TERT: variants seen among roughly 807,000 people sequenced by gnomAD.
TERT encodes telomerase reverse transcriptase.
TERT carries 42 observed loss-of-function variants against 104.0 expected under a neutral mutation model. That is an observed-to-expected ratio of 0.40 (90% CI 0.32 to 0.52). TERT has a LOEUF of 0.52. Ranked by LOEUF, TERT falls within the 20% of genes least tolerant of loss-of-function variation. The pLI is 0.43. For missense variants in TERT, 1,101 were observed against 1,610.3 expected, an observed-to-expected ratio of 0.68 and a Z score of 5.41; for synonymous variants, 781 against 725.6, an observed-to-expected ratio of 1.08 and a Z score of -1.23.
chr5:1,258,779 T>C (rs1477738123), intron 12 of TERT, 120 bp from the exon 13 acceptor site: 1 of 908,368 alleles, frequency 1.1e-6, no homozygotes, highest in Non-Finnish European at 1.8e-6. Flanking sequence ...GACAAGAAAC[T>C]ATCCCTCTTC....
rs1010294301 is a variant in TERT, at chr5:1,261,856, G to A, written c.2844-1256C>T. Among the ~76,000 whole-genome samples the A allele has an allele frequency of 2.6e-5, 4 of 152,188 alleles. No homozygotes were observed. Among genetic ancestry groups the A allele is most frequent in the African/African-American group, 7.2e-5 (3 of 41,442 alleles). ...CAATCATGCATGCCCTTTGCCAGCTGGGTGACCAAGGGCGGCTGCTCCCCT... is the reference window on the plus strand; with the variant it reads ...CAATCATGCATGCCCTTTGCCAGCTAGGTGACCAAGGGCGGCTGCTCCCCT... On this transcript the variant is annotated intron_variant, in intron 11 of 15. Transcript: ENST00000310581. This position sits in a 1 kb window ranked among gnomAD's most constrained non-coding sequence, Gnocchi z 7.4.
At position 1,263,837 on chromosome 5, in the gene TERT, G is replaced by A. The variant is rs1014728475; in HGVS notation, c.2843+567C>T. On this transcript the variant is annotated intron_variant, in intron 11 of 15. Coordinates refer to ENST00000310581, the MANE Select transcript of TERT (RefSeq NM_198253.3). This position sits in a 1 kb window ranked among gnomAD's most constrained non-coding sequence, Gnocchi z 5.3. ...CGGGCTCTGGGGAAACAAGACCCCA[G>A]AATTTTGTAGAGACCCCCCCCACAC... 2.0e-5 allele frequency among the ~76,000 whole-genome samples: 3 copies of A among 152,214 alleles called. No homozygotes were observed. Among genetic ancestry groups the A allele is most frequent in the Admixed American group, 6.5e-5 (1 of 15,286 alleles).
chr5:1,290,240 T>C, intron 2 of TERT, among the ~76,000 whole-genome samples: 1 of 63,202 alleles, frequency 1.6e-5, no homozygotes, highest in South Asian at 4.0e-4. Context: ...ACCCTACACG[T>C]GACAGGGACA....
rs369797524 is a variant in TERT, at chr5:1,258,707, T to C, written c.2971-48A>G. ...AGAAACGGTAGAAACCTCTCTGGGA[T>C]TTTAAGTTTTTACTTTTTGCTTTAT... is the stretch of plus-strand genomic sequence containing the variant. On this transcript the variant is annotated intron_variant, in intron 12 of 15. Coordinates refer to ENST00000310581, the MANE Select transcript of TERT (RefSeq NM_198253.3). The C allele has an allele frequency of 2.5e-3, 3,714 of 1,488,194 alleles. 9 individuals carry two copies. Among genetic ancestry groups the C allele is most frequent in the Non-Finnish European group, 2.8e-3 (3,019 of 1,089,830 alleles). The allele number at this position is 1,488,194 out of a possible 1,614,324, so 92.2% of individuals were successfully genotyped here.
chr5:1,253,937 G>A (rs1747526473), intron 15 of TERT, 106 bp from the exon 16 acceptor site: 1 of 1,269,960 alleles, frequency 7.9e-7, no homozygotes, highest in African/African-American at 1.5e-5. Context: ...GCACCTCGTG[G>A]CCCTGGCTGG....
Position 1,293,735 on chromosome 5 carries a change from T to C in TERT, c.1151A>G (p.Gln384Arg), listed in dbSNP as rs1167344136. Reference protein sequence around the residue: ...GTPRRLPRLPQRYWQMRPLFL... With the variant: ...GTPRRLPRLPRRYWQMRPLFL... ...CAGGGGCCGCATTTGCCAGTAGCGC[T>C]GGGGCAGGCGGGGCAACCTGCGGGG... The change falls in exon 2 of 16, where the codon CAG becomes CGG. Residue 384 changes from glutamine (Q) to arginine (R), a missense_variant. Gln to Arg is a conservative substitution (Grantham distance 43). Transcript: ENST00000310581. 1.9e-6 allele frequency: 3 copies of C among 1,568,094 alleles called. No homozygotes were observed. In the East Asian group the frequency reaches 7.0e-5, roughly 36 times the overall value.
chr5:1,259,456 A>G (rs1579549371), intron 12 of TERT, among the ~76,000 whole-genome samples: 5 of 130,994 alleles, frequency 3.8e-5, no homozygotes, highest in African/African-American at 5.9e-5. Flanking sequence ...GAGCGGACGC[A>G]GATGCCCACA....
At chr5:1,277,790 G>T (rs1021821946) in intron 6 of TERT, among the ~76,000 whole-genome samples, 3 of 152,198 alleles carry the variant, frequency 2.0e-5, no homozygotes, top group Non-Finnish European at 4.4e-5. Context: ...AGAAGTCAGA[G>T]AAAGAGGTCC....
Position 1,255,508 on chromosome 5 carries a change from G to A in TERT, c.3033-97C>T. The A allele has an allele frequency of 4.0e-6, 6 of 1,491,102 alleles. No individual in the cohort carries two copies. The South Asian group carries it at 6.9e-5, about 17-fold the overall frequency. 92.4% of individuals were successfully genotyped at this position (1,491,102 alleles called of 1,614,324 possible). ...CCCACCGGTGCCTGTGTGCGTGCAT[G>A]AATGCACATGCATGGGTTTCCTCAT... is the stretch of plus-strand genomic sequence containing the variant. On this transcript the variant is annotated intron_variant, in intron 13 of 15. Transcript: ENST00000310581. This position sits in a 1 kb window ranked among gnomAD's most constrained non-coding sequence, Gnocchi z 6.9.
At chr5:1,291,136 G>A (rs868185247) in intron 2 of TERT, among the ~76,000 whole-genome samples, 874 of 137,884 alleles carry the variant, frequency 6.3e-3, no homozygotes, top group Non-Finnish European at 9.2e-3. Flanking sequence ...AGGGACACCC[G>A]GGGACAGTGC....
Position 1,262,205 on chromosome 5 carries a change from T to A in TERT, c.2844-1605A>T, listed in dbSNP as rs1432074886. 2.6e-5 allele frequency among the ~76,000 whole-genome samples: 4 copies of A among 152,204 alleles called. No homozygotes were observed. The highest frequency in any genetic ancestry group is 1.3e-4 in the Admixed American group (2 of 15,280). ...CTCTTCTACCTAGAATCTGCTCTGG[T>A]ATATGCTGTAAAGACACAACTTATT... is the stretch of plus-strand genomic sequence containing the variant. On this transcript the variant is annotated intron_variant, in intron 11 of 15. Coordinates refer to ENST00000310581, the MANE Select transcript of TERT (RefSeq NM_198253.3). The surrounding 1 kb of genome is among the most constrained non-coding windows in gnomAD (Gnocchi z 5.6).
At chr5:1,291,605 T>C (rs376986907) in intron 2 of TERT, among the ~76,000 whole-genome samples, 317 of 4,392 alleles carry the variant, frequency 0.072, 11 homozygotes, top group South Asian at 0.098. Context: ...CCGGGGACAG[T>C]GCCTCACTCA....
At position 1,279,286 on chromosome 5, in the gene TERT, C is replaced by A; in HGVS notation, c.2130+5G>T. 6.4e-7 allele frequency: 1 copy of A among 1,573,430 alleles called. No individual in the cohort carries two copies. The highest frequency in any genetic ancestry group is 8.6e-7 in the Non-Finnish European group (1 of 1,161,872). On this transcript the variant is annotated splice_donor_5th_base_variant and intron_variant, in intron 5 of 15. Transcript: ENST00000310581. ...GGGCTGCTCACGGGGGTCCCCGGCA[C>A]CCACCTTGACAAAGTACAGCTCAGG...
rs1489625875 is a variant in TERT at position 1,264,399 on chromosome 5, C to T, written c.2843+5G>A. On this transcript the variant is annotated splice_donor_5th_base_variant and intron_variant, in intron 11 of 15. Coordinates refer to ENST00000310581, the MANE Select transcript of TERT (RefSeq NM_198253.3). ...CAGGCTCCACTTCCGGCCAGGTGCG[C>T]TCACCTGGAGTAGTCGCTCTGCACC... 1.2e-6 allele frequency: 2 copies of T among 1,610,874 alleles called. No homozygotes were observed. Among genetic ancestry groups the T allele is most frequent in the African/African-American group, 1.3e-5 (1 of 74,894 alleles).
rs1751149699 is a variant in TERT, at chr5:1,293,675, G to GGGCACTGCGCGTGGTT, written c.1195_1210dup (p.Pro404GlnfsTer140). On this transcript the variant is annotated frameshift_variant, in exon 2 of 16. Transcript: ENST00000310581. LOFTEE classifies it high-confidence loss of function. ...GTGCGTCTTGAGGAGCACCCCGTAG[G>GGGCACTGCGCGTGGTT]GGCACTGCGCGTGGTTCCCAAGCAG... 1.9e-6 allele frequency: 3 copies of GGGCACTGCGCGTGGTT among 1,570,156 alleles called. No individual in the cohort carries two copies. Among genetic ancestry groups the GGGCACTGCGCGTGGTT allele is most frequent in the Non-Finnish European group, 2.6e-6 (3 of 1,158,334 alleles).
At chr5:1,284,131 G>A (rs1225267216) in intron 2 of TERT, among the ~76,000 whole-genome samples, 411 of 113,050 alleles carry the variant, frequency 3.6e-3, no homozygotes, top group South Asian at 5.7e-3. Context: ...CCAGCTCACC[G>A]AGGGCCTGGC....
rs1747472002 is a variant in TERT at position 1,253,445 on chromosome 5, T to C, written c.*283A>G. ...TGGGGAGTGGAAGCCGGGCTCCTGG[T>C]GAGGAAAAGCTGGCCCTGGGGTGGA... On this transcript the variant is annotated 3_prime_UTR_variant, in exon 16 of 16. Coordinates refer to ENST00000310581, the MANE Select transcript of TERT (RefSeq NM_198253.3). 1 of 554,374 alleles carries C rather than the reference T, an allele frequency of 1.8e-6. No individual in the cohort carries two copies. The allele number at this position is 554,374 out of a possible 1,614,324, so 34.3% of individuals were successfully genotyped here.
Position 1,262,114 on chromosome 5 carries a change from G to A in TERT, c.2844-1514C>T, listed in dbSNP as rs759755008. 2.0e-5 allele frequency among the ~76,000 whole-genome samples: 3 copies of A among 152,158 alleles called. No homozygotes were observed. On this transcript the variant is annotated intron_variant, in intron 11 of 15. Coordinates refer to ENST00000310581, the MANE Select transcript of TERT (RefSeq NM_198253.3). The surrounding 1 kb of genome is among the most constrained non-coding windows in gnomAD (Gnocchi z 5.6). ...CTTCCCCAACACCAAACCAGGGAACGTTCACCTCCCTTCCCTTTGAGTCTT... is the reference window on the plus strand; with the variant it reads ...CTTCCCCAACACCAAACCAGGGAACATTCACCTCCCTTCCCTTTGAGTCTT...
chr5:1,293,879 C>T lies in TERT; in HGVS notation c.1007G>A (p.Gly336Asp), dbSNP rs1751172254. ...GGAGGGCCGCAGCTGCTCCTTGTCGCCTGAGGAGTAGAGGAAGTGCTTGGT... is the reference window on the plus strand; with the variant it reads ...GGAGGGCCGCAGCTGCTCCTTGTCGTCTGAGGAGTAGAGGAAGTGCTTGGT... Reference protein sequence around the residue: ...AETKHFLYSSGDKEQLRPSFL... With the variant: ...AETKHFLYSSDDKEQLRPSFL... The change falls in exon 2 of 16, where the codon GGC (glycine) becomes GAC (aspartate). Residue 336 changes from glycine to aspartate, a missense_variant. By Grantham distance (94) the Gly-to-Asp change is moderately conservative. Around this residue, in one of 5 missense-constraint regions of TERT, gnomAD observed 504 missense variants for 544.6 expected, o/e 0.93. Coordinates refer to ENST00000310581, the MANE Select transcript of TERT (RefSeq NM_198253.3). The T allele has an allele frequency of 6.5e-7, 1 of 1,544,026 alleles. No individual in the cohort carries two copies. Among genetic ancestry groups the T allele is most frequent in the Non-Finnish European group, 8.7e-7 (1 of 1,146,968 alleles).
Sources: gnomAD v4.1 joint callset for allele counts (sites outside exome capture counted in the v4.1 genomes callset) on GRCh38, gnomAD v4.1.1 for gene constraint, gnomAD v4.1.1 regional missense constraint, Gnocchi (gnomAD v3.1) non-coding constraint, MANE v1.5 for transcripts, NCBI Gene and HGNC (gene_info 2026-07-23, HGNC 2026-07-21) for gene names.